RFX6: variants seen among roughly 807,000 people sequenced by gnomAD.
The protein encoded by RFX6 is regulatory factor X6.
RFX6 carries 50 observed loss-of-function variants against 110.8 expected under a neutral mutation model. The observed-to-expected ratio is 0.45, with a 90% CI of 0.36 to 0.57. The LOEUF is 0.57. Ranked by LOEUF, RFX6 falls within the 20% of genes least tolerant of loss-of-function variation. RFX6 has a pLI of 0.00. For synonymous variants in RFX6, 383 were observed against 411.2 expected (o/e 0.93, Z 0.83); for missense variants, 990 against 1,127.0 (o/e 0.88, Z 1.74).
chr6:116,931,449 G>GTCCTCT lies in RFX6; in HGVS notation c.2732_2737dup (p.Ser911_Ser912dup). On this transcript the variant is annotated inframe_insertion, in exon 19 of 19. Transcript: ENST00000332958. ...ATGGAACAAGCAGTAGAGAAATGGT[G>GTCCTCT]TCCTCTTTACCACCTATCAACACTG... 6.2e-7 allele frequency: 1 copy of GTCCTCT among 1,613,520 alleles called. No individual in the cohort carries two copies. The highest frequency in any genetic ancestry group is 1.1e-5 in the South Asian group (1 of 91,060).
intron 4 of RFX6, among the ~76,000 whole-genome samples, chr6:116,887,395 C>A (rs1299507548): frequency 6.6e-6 from 1 of 152,152 alleles, no homozygotes; most frequent in Non-Finnish European, 1.5e-5. Flanking sequence ...CTTACCATCC[C>A]CTGCCAGCCA....
At position 116,923,487 on chromosome 6, in the gene RFX6, T is replaced by G. The variant is rs1010280435; in HGVS notation, c.1555+263T>G. The stretch of plus-strand genomic sequence containing the variant: ...AGAATATTCTCTTCGAAGGGTTGTA[T>G]AGGTACTTTGGTGAGATGATGTATA... On this transcript the variant is annotated intron_variant, in intron 14 of 18. Transcript: ENST00000332958. 1.3e-5 allele frequency: 6 copies of G among 467,062 alleles called. No individual in the cohort carries two copies. In the Admixed American group the frequency reaches 1.7e-4, roughly 13 times the overall value. 28.9% of individuals were successfully genotyped at this position (467,062 alleles called of 1,614,324 possible).
intron 2 of RFX6, 96 bp from the exon 3 acceptor site, chr6:116,880,448 T>C (rs1427545658): frequency 2.5e-5 from 27 of 1,097,254 alleles, no homozygotes; most frequent in Non-Finnish European, 3.5e-5. Context: ...TTACCTCATT[T>C]ATAGAGTCCA....
chr6:116,889,311 A>G (rs1268800353), intron 4 of RFX6, among the ~76,000 whole-genome samples: 1 of 152,182 alleles, frequency 6.6e-6, no homozygotes, highest in African/African-American at 2.4e-5. Flanking sequence ...TGATTTAACC[A>G]GTAAATGTAT....
At chr6:116,902,072 G>GA (rs1775087411) in intron 6 of RFX6, among the ~76,000 whole-genome samples, 1 of 151,924 alleles carries the variant, frequency 6.6e-6, no homozygotes, top group African/African-American at 2.4e-5. Context: ...AAAGTTGAGT[G>GA]AAAAAAGCAC....
In RFX6 at chr6:116,880,599, T is replaced by C. The variant is rs1295430048; in HGVS notation, c.436T>C (p.Tyr146His). The C allele has an allele frequency of 6.2e-7, 1 of 1,612,340 alleles. No individual in the cohort carries two copies. The highest frequency in any genetic ancestry group is 8.5e-7 in the Non-Finnish European group (1 of 1,178,492). Reference protein sequence around the residue: ...EGVCLPRCILYAHYLDFCRKE... With the variant: ...EGVCLPRCILHAHYLDFCRKE... ...AGTTTGCTTACCACGGTGCATTCTT[T>C]ATGCACACTACTTAGATTTCTGTAG... The change falls in exon 3 of 19, where the codon TAT becomes CAT. Residue 146 changes from tyrosine (Y) to histidine (H), a missense_variant. Physicochemically the swap from Tyr to His is moderately conservative, Grantham distance 83. This residue lies in a region of RFX6 where 243 missense variants were observed against 353.1 expected (regional missense o/e 0.69). Coordinates refer to ENST00000332958, the MANE Select transcript of RFX6 (RefSeq NM_173560.4).
chr6:116,913,994 C>A (rs1367800739), intron 7 of RFX6, among the ~76,000 whole-genome samples: 2 of 152,190 alleles, frequency 1.3e-5, no homozygotes, highest in African/African-American at 4.8e-5. Flanking sequence ...AAGCTATAAT[C>A]ACCCTACAGA....
At chr6:116,890,049 G>A (rs1353846521) in intron 4 of RFX6, among the ~76,000 whole-genome samples, 9 of 152,096 alleles carry the variant, frequency 5.9e-5, no homozygotes, top group African/African-American at 2.2e-4. Flanking sequence ...AATAAAGTGT[G>A]TGTGTGTGAA....
chr6:116,928,748 T>C lies in RFX6; in HGVS notation c.2399-11T>C, dbSNP rs1775810300. 6.2e-6 allele frequency: 10 copies of C among 1,601,380 alleles called. No individual in the cohort carries two copies. The highest frequency in any genetic ancestry group is 8.6e-6 in the Non-Finnish European group (10 of 1,168,566). The stretch of plus-strand genomic sequence containing the variant: ...AAGTTAACAGCAAATTCTCAACATT[T>C]TCTGTTACAGGATACTATGGAAGCA... On this transcript the variant is annotated splice_polypyrimidine_tract_variant and intron_variant, in intron 17 of 18. Coordinates refer to ENST00000332958, the MANE Select transcript of RFX6 (RefSeq NM_173560.4).
At chr6:116,913,110 G>T (rs1449825752) in intron 7 of RFX6, among the ~76,000 whole-genome samples, 2 of 152,112 alleles carry the variant, frequency 1.3e-5, no homozygotes, top group African/African-American at 4.8e-5. Context: ...CTGTTGCCCA[G>T]GCTGGAGTGC....
Position 116,924,749 on chromosome 6 carries a change from C to A in RFX6, c.1636C>A (p.Gln546Lys). The A allele has an allele frequency of 6.3e-7, 1 of 1,592,490 alleles. No homozygotes were observed. The change falls in exon 15 of 19, where the codon CAG (glutamine) becomes AAG (lysine). Residue 546 changes from glutamine (Q) to lysine (K), a missense_variant. Gln to Lys is a moderately conservative substitution (Grantham distance 53). Around this residue, in one of 5 missense-constraint regions of RFX6, gnomAD observed 89 missense variants for 140.3 expected, o/e 0.63. Coordinates refer to ENST00000332958, the MANE Select transcript of RFX6 (RefSeq NM_173560.4). The part of the protein sequence containing the change: ...METQFNNDKE[Q>K]ELQNLLDKYM... ...GACCCAGTTTAATAATGACAAAGAGCAGGAGTTACAGAATTTATTGGACAA... is the reference window on the plus strand; with the variant it reads ...GACCCAGTTTAATAATGACAAAGAGAAGGAGTTACAGAATTTATTGGACAA...
intron 6 of RFX6, among the ~76,000 whole-genome samples, chr6:116,902,934 T>A (rs1020591441): frequency 6.6e-6 from 1 of 152,056 alleles, no homozygotes; most frequent in Admixed American, 6.6e-5. Flanking sequence ...GTCATATTTG[T>A]TTCTTTTCTG....
chr6:116,927,518 C>G lies in RFX6; in HGVS notation c.2377C>G (p.Leu793Val), dbSNP rs754356560. 1.1e-5 allele frequency: 18 copies of G among 1,613,768 alleles called. 1 individual carries two copies. In the South Asian group the frequency reaches 1.9e-4, roughly 17 times the overall value. Reference sequence around the variant, plus strand: ...AGCTGCCAGCTGCCAAGGAGCAACACTGCCTCCTAATTCACCAAATGGTAT... The same window carrying G: ...AGCTGCCAGCTGCCAAGGAGCAACAGTGCCTCCTAATTCACCAAATGGTAT... Reference protein sequence around the residue: ...TGAASCQGATLPPNSPNGYYG... With the variant: ...TGAASCQGATVPPNSPNGYYG... Residue 793 changes from leucine to valine, a missense_variant, in exon 17 of 19, where the codon CTG becomes GTG. Leu to Val is a conservative substitution (Grantham distance 32). This residue lies in a region of RFX6 where 438 missense variants were observed against 441.9 expected (regional missense o/e 0.99). Transcript: ENST00000332958.
intron 7 of RFX6, among the ~76,000 whole-genome samples, chr6:116,915,068 G>GT (rs1775433827): frequency 6.6e-6 from 1 of 152,090 alleles, no homozygotes. Context: ...TTTTTTTCAC[G>GT]TAGAGTACAT....
intron 3 of RFX6, among the ~76,000 whole-genome samples, chr6:116,881,385 A>G (rs377705260): frequency 1.3e-5 from 2 of 152,220 alleles, no homozygotes; most frequent in South Asian, 2.1e-4. Flanking sequence ...TGTATCTTAC[A>G]CAAATTGAAA....
intron 4 of RFX6, among the ~76,000 whole-genome samples, chr6:116,882,756 G>A (rs189426036): frequency 6.6e-6 from 1 of 152,076 alleles, no homozygotes; most frequent in Admixed American, 6.6e-5. Flanking sequence ...CAAACCAGGG[G>A]GTAAAGAGCT....
Position 116,919,149 on chromosome 6 carries a change from C to T in RFX6, c.1035C>T (p.Asp345=), listed in dbSNP as rs1336999068. 1 of 1,613,110 alleles carries T rather than the reference C, an allele frequency of 6.2e-7. No individual in the cohort carries two copies. Among genetic ancestry groups the T allele is most frequent in the South Asian group, 1.1e-5 (1 of 91,064 alleles). Residue 345 remains aspartate, a synonymous_variant, in exon 11 of 19, where the codon GAC becomes GAT. Coordinates refer to ENST00000332958, the MANE Select transcript of RFX6 (RefSeq NM_173560.4). ...GCCTTCTTTGTAGCTTATTAGCAGA[C>T]ATAAGAAATTTTGCTAAAAATTGGG... ...MQEMPESLLA[D]IRNFAKNWEQ... is the part of the protein sequence containing the mutation.
intron 9 of RFX6, 108 bp from the exon 10 acceptor site, chr6:116,917,929 C>A: frequency 1.3e-6 from 1 of 761,410 alleles, no homozygotes; most frequent in African/African-American, 1.7e-5. Flanking sequence ...AAGGAGTTAA[C>A]ATGTTATTCT....
At chr6:116,925,698 A>C in intron 16 of RFX6, 39 bp downstream of exon 16, 5 of 1,414,644 alleles carry the variant, frequency 3.5e-6, no homozygotes, top group Non-Finnish European at 4.0e-6. Flanking sequence ...AGCACATCTC[A>C]GAGAAGCCTG....
Sources: gnomAD v4.1 joint callset for allele counts (sites outside exome capture counted in the v4.1 genomes callset) on GRCh38, gnomAD v4.1.1 for gene constraint, gnomAD v4.1.1 regional missense constraint, MANE v1.5 for transcripts, NCBI Gene and HGNC (gene_info 2026-07-23, HGNC 2026-07-21) for gene names.